The following LUZP2 variants were observed in gnomAD, a reference collection of about 807,000 sequenced individuals.
LUZP2 encodes the protein leucine zipper protein 2.
LUZP2 carries 52 observed loss-of-function variants against 51.6 expected under a neutral mutation model. The ratio of observed to expected loss-of-function variants is 1.01; its 90% confidence interval spans 0.81 to 1.27. The LOEUF (loss-of-function observed/expected upper bound fraction) is 1.27. Ranked by LOEUF, LUZP2 falls within the 50% of genes most tolerant of loss-of-function variation. LUZP2 has a pLI of 0.00. For missense variants in LUZP2, 436 were observed against 395.4 expected (o/e 1.10, Z -0.87); for synonymous variants, 154 against 137.3 (o/e 1.12, Z -0.85).
intron 9 of LUZP2, among the ~76,000 whole-genome samples, chr11:25,035,965 T>C (rs1341922280): frequency 6.6e-6 from 1 of 152,068 alleles, no homozygotes; most frequent in Non-Finnish European, 1.5e-5. Flanking sequence ...TGATATCAGA[T>C]GGATGTTGGC....
At chr11:24,925,372 G>A (rs548561745) in intron 7 of LUZP2, among the ~76,000 whole-genome samples, 3 of 152,220 alleles carry the variant, frequency 2.0e-5, no homozygotes, top group Admixed American at 1.3e-4. Flanking sequence ...ATTGGTCAGG[G>A]GGCTTAGAGT....
intron 1 of LUZP2, among the ~76,000 whole-genome samples, chr11:24,664,520 T>C (rs148402769): frequency 8.1e-4 from 123 of 152,092 alleles, no homozygotes; most frequent in Non-Finnish European, 1.4e-3. Context: ...TCAGAGACCT[T>C]CATGGCAGCA....
intron 1 of LUZP2, among the ~76,000 whole-genome samples, chr11:24,510,562 G>T (rs937935551): frequency 6.6e-6 from 1 of 152,114 alleles, no homozygotes; most frequent in African/African-American, 2.4e-5. Flanking sequence ...AGGGCTGGCT[G>T]GTTCTCCATG....
At chr11:24,752,960 T>C (rs10834476) in intron 4 of LUZP2, among the ~76,000 whole-genome samples, 32,614 of 151,870 alleles carry the variant, frequency 0.21, 3,690 homozygotes, top group East Asian at 0.42. Flanking sequence ...ATAAGCAAGA[T>C]AGGAAAATAC....
intron 9 of LUZP2, among the ~76,000 whole-genome samples, chr11:25,017,754 G>T (rs1331101961): frequency 6.6e-6 from 1 of 152,018 alleles, no homozygotes; most frequent in Non-Finnish European, 1.5e-5. Flanking sequence ...TATTGCTTTG[G>T]CTATTCTGGC....
Position 24,717,432 on chromosome 11 carries a change from G to A in LUZP2, c.63-11737G>A, listed in dbSNP as rs190080948. Among the ~76,000 whole-genome samples, 368 of 144,702 alleles carry A rather than the reference G, an allele frequency of 2.5e-3. 3 individuals are homozygous for A. The highest frequency in any genetic ancestry group is 4.9e-3 in the African/African-American group (191 of 39,002). 94.9% of individuals were successfully genotyped at this position (144,702 alleles called of 152,430 possible). A position where few individuals can be genotyped will look rare whatever the true frequency, so the allele number is the denominator to read the frequency against. On this transcript the variant is annotated intron_variant, in intron 1 of 11. Transcript: ENST00000336930. The stretch of plus-strand genomic sequence containing the variant: ...TAGTTTTTTTTTTTTTTTTTGAGAC[G>A]GAGTATTGCCTTGTCGCCCAGGTGG...
intron 1 of LUZP2, among the ~76,000 whole-genome samples, chr11:24,524,962 C>T (rs1479019441): frequency 2.0e-5 from 3 of 151,554 alleles, no homozygotes; most frequent in Non-Finnish European, 4.4e-5. Context: ...GTAAGAAATG[C>T]AGGGAGGGAA....
intron 5 of LUZP2, among the ~76,000 whole-genome samples, chr11:24,806,658 A>C (rs1449203768): frequency 1.3e-5 from 2 of 152,158 alleles, no homozygotes; most frequent in African/African-American, 4.8e-5. Context: ...TGTGGACTCA[A>C]ATAGGTAGTT....
chr11:24,629,413 C>T (rs1178087996), intron 1 of LUZP2, among the ~76,000 whole-genome samples: 1 of 150,374 alleles, frequency 6.7e-6, no homozygotes, highest in Non-Finnish European at 1.5e-5. Flanking sequence ...TACATTTATT[C>T]TTTTTTATGG....
chr11:24,504,345 A>T lies in LUZP2; in HGVS notation c.62+7040A>T, dbSNP rs567128802. Among the ~76,000 whole-genome samples, 299 of 152,274 alleles carry T rather than the reference A, an allele frequency of 2.0e-3. 2 individuals are homozygous for T. The highest frequency in any genetic ancestry group is 3.5e-3 in the Admixed American group (54 of 15,290). On this transcript the variant is annotated intron_variant, in intron 1 of 11. Transcript: ENST00000336930. ...GGTTACATTACATTTTCTTTGGTTT[A>T]CATTTCTCTACACTGTCGTCACAGT...
chr11:24,754,338 TTTTCACC>T (rs148245411), intron 4 of LUZP2, among the ~76,000 whole-genome samples: 75,778 of 151,216 alleles, frequency 0.5, 19,325 homozygotes, highest in Non-Finnish European at 0.56. Context: ...TATTTAAAAT[TTTTCACC>T]TTTCTGGGAT....
At chr11:24,726,514 T>C (rs1473563854) in intron 1 of LUZP2, among the ~76,000 whole-genome samples, 1 of 151,580 alleles carries the variant, frequency 6.6e-6, no homozygotes, top group Non-Finnish European at 1.5e-5. Flanking sequence ...AAGCCAGACC[T>C]CCCACCCTAC....
intron 1 of LUZP2, among the ~76,000 whole-genome samples, chr11:24,566,376 C>T (rs1286042186): frequency 7.0e-6 from 1 of 142,546 alleles, no homozygotes; most frequent in Non-Finnish European, 1.5e-5. Flanking sequence ...TGTCGCCAGG[C>T]TGAAGTGCAG....
intron 1 of LUZP2, among the ~76,000 whole-genome samples, chr11:24,674,856 G>A (rs1856496671): frequency 6.6e-6 from 1 of 152,078 alleles, no homozygotes; most frequent in Non-Finnish European, 1.5e-5. Flanking sequence ...CCACAGATGG[G>A]GTTGGATAAG....
intron 9 of LUZP2, among the ~76,000 whole-genome samples, chr11:25,038,473 A>G (rs891519046): frequency 2.6e-5 from 4 of 152,202 alleles, no homozygotes; most frequent in Non-Finnish European, 5.9e-5. Context: ...ACAAAATTGC[A>G]CAATTTTCTT....
At chr11:24,983,780 C>T (rs1395043888) in intron 9 of LUZP2, among the ~76,000 whole-genome samples, 2 of 148,474 alleles carry the variant, frequency 1.3e-5, no homozygotes, top group Non-Finnish European at 3.0e-5. Context: ...AAAAGCCTTA[C>T]TCCTGGGGTT....
At chr11:24,794,468 G>T (rs1263898638) in intron 5 of LUZP2, among the ~76,000 whole-genome samples, 1 of 152,024 alleles carries the variant, frequency 6.6e-6, no homozygotes, top group Non-Finnish European at 1.5e-5. Flanking sequence ...CCTTGAAGGC[G>T]AATCAAGAGA....
At chr11:24,614,121 T>G (rs553235873) in intron 1 of LUZP2, among the ~76,000 whole-genome samples, 1 of 152,118 alleles carries the variant, frequency 6.6e-6, no homozygotes, top group Non-Finnish European at 1.5e-5. Context: ...GTGAGTAGAT[T>G]TTTGAATGGA....
chr11:25,005,138 G>C (rs557790649), intron 9 of LUZP2, among the ~76,000 whole-genome samples: 1 of 152,100 alleles, frequency 6.6e-6, no homozygotes, highest in East Asian at 1.9e-4. Flanking sequence ...CAGCTTGAAG[G>C]GGGAACTGAT....
Sources: gnomAD v4.1 joint callset for allele counts (sites outside exome capture counted in the v4.1 genomes callset) on GRCh38, gnomAD v4.1.1 for gene constraint, MANE v1.5 for transcripts, NCBI Gene and HGNC (gene_info 2026-07-23, HGNC 2026-07-21) for gene names.